Variants in STK3 observed in about 807,000 individuals in gnomAD.
The protein encoded by STK3 is serine/threonine-protein kinase 3.
In STK3, 41 loss-of-function variants were observed where a neutral mutation model predicts 58.0. The observed-to-expected ratio is 0.71, with a 90% CI of 0.55 to 0.92. The LOEUF (loss-of-function observed/expected upper bound fraction) is 0.92, where lower values mean the gene tolerates loss of function less well. Ranked by LOEUF, STK3 falls within the 40% of genes least tolerant of loss-of-function variation. STK3 has a pLI of 0.00. For missense variants in STK3, 479 were observed against 602.7 expected (o/e 0.79, Z 2.15); for synonymous variants, 170 against 191.0 (o/e 0.89, Z 0.91).
intron 3 of STK3, among the ~76,000 whole-genome samples, chr8:98,756,812 C>T (rs1830313429): frequency 6.6e-6 from 1 of 152,144 alleles, no homozygotes; most frequent in Admixed American, 6.5e-5. Context: ...ATCTAAAGCC[C>T]AAACCTCCAA....
At chr8:98,540,437 C>T (rs1383425270) in intron 9 of STK3, among the ~76,000 whole-genome samples, 1 of 152,184 alleles carries the variant, frequency 6.6e-6, no homozygotes, top group Non-Finnish European at 1.5e-5. Flanking sequence ...ATCAAGCCCA[C>T]TGCTCCAGCC....
At chr8:98,782,878 GAAGTAAGGAAAGAA>G (rs912073024) in intron 1 of STK3, among the ~76,000 whole-genome samples, 9 of 152,004 alleles carry the variant, frequency 5.9e-5, no homozygotes, top group Admixed American at 2.0e-4. Context: ...AATGGGATGG[GAAGTAAGGAAAGAA>G]AAGTAAGGAA....
At chr8:98,372,359 T>A (rs908978267) in intron 2 of STK3, among the ~76,000 whole-genome samples, 3 of 152,190 alleles carry the variant, frequency 2.0e-5, no homozygotes, top group Non-Finnish European at 4.4e-5. Context: ...CAGAGCCTTA[T>A]GCCTCAGCCA....
At chr8:98,565,594 A>C (rs957218067) in intron 8 of STK3, among the ~76,000 whole-genome samples, 2 of 152,194 alleles carry the variant, frequency 1.3e-5, no homozygotes, top group Non-Finnish European at 2.9e-5. Context: ...AGCATCATTT[A>C]TTCAATAATA....
At chr8:98,906,971 T>C (rs996168670) in intron 1 of STK3, among the ~76,000 whole-genome samples, 3 of 140,376 alleles carry the variant, frequency 2.1e-5, no homozygotes, top group Non-Finnish European at 4.5e-5. Context: ...AACATAGGGA[T>C]AACCCCATCT....
intron 1 of STK3, among the ~76,000 whole-genome samples, chr8:98,793,475 C>G (rs149849106): frequency 1.2e-4 from 19 of 152,216 alleles, no homozygotes; most frequent in South Asian, 4.2e-4. Flanking sequence ...GAGGTTGGAG[C>G]CGAAATTGTA....
At chr8:98,756,135 C>G (rs1403728881) in intron 3 of STK3, among the ~76,000 whole-genome samples, 1 of 150,288 alleles carries the variant, frequency 6.7e-6, no homozygotes, top group East Asian at 1.9e-4. Flanking sequence ...GAGTGAGGCT[C>G]CGCCTCAAAA....
chr8:98,729,940 T>A (rs1828055144), intron 4 of STK3, among the ~76,000 whole-genome samples: 1 of 152,230 alleles, frequency 6.6e-6, no homozygotes, highest in Non-Finnish European at 1.5e-5. Context: ...AACCTCCATA[T>A]GTTTCCATTT....
intron 8 of STK3, among the ~76,000 whole-genome samples, chr8:98,555,315 A>G (rs1811508500): frequency 6.6e-6 from 1 of 152,154 alleles, no homozygotes; most frequent in Non-Finnish European, 1.5e-5. Flanking sequence ...AGTATTTATC[A>G]CTTGTGAGAC....
chr8:98,617,646 A>G (rs1383159644), intron 6 of STK3, among the ~76,000 whole-genome samples: 4 of 152,066 alleles, frequency 2.6e-5, no homozygotes, highest in African/African-American at 9.7e-5. Flanking sequence ...CACCGATCCC[A>G]CAGAAATACA....
At chr8:98,701,100 T>C (rs1026254422) in intron 6 of STK3, among the ~76,000 whole-genome samples, 1 of 149,088 alleles carries the variant, frequency 6.7e-6, no homozygotes, top group East Asian at 2.0e-4. Context: ...GCCTGGGAGG[T>C]TGAGGGCTGC....
chr8:98,359,133 G>T, the STK3 span, among the ~76,000 whole-genome samples: 1 of 152,082 alleles, frequency 6.6e-6, no homozygotes, highest in Non-Finnish European at 1.5e-5. Context: ...CGCTATTCCT[G>T]CTGAATATTA....
chr8:98,896,330 G>A (rs528042054), intron 1 of STK3, among the ~76,000 whole-genome samples: 10 of 152,262 alleles, frequency 6.6e-5, no homozygotes, highest in African/African-American at 2.4e-4. Flanking sequence ...GCAAAAAACT[G>A]TTTCTTCAAA....
intron 10 of STK3, among the ~76,000 whole-genome samples, chr8:98,479,237 C>T (rs1821630445): frequency 6.6e-6 from 1 of 152,178 alleles, no homozygotes; most frequent in East Asian, 1.9e-4. Flanking sequence ...CCTGCAATCC[C>T]AGCACTTTGG....
chr8:98,788,967 C>G (rs1257736597), intron 1 of STK3, among the ~76,000 whole-genome samples: 1 of 152,160 alleles, frequency 6.6e-6, no homozygotes, highest in Non-Finnish European at 1.5e-5. Context: ...ACATTCTATT[C>G]AACAGCACAT....
At chr8:98,912,286 G>A (rs1839168032) in intron 1 of STK3, among the ~76,000 whole-genome samples, 1 of 152,104 alleles carries the variant, frequency 6.6e-6, no homozygotes, top group African/African-American at 2.4e-5. Context: ...GCTGAGGCAG[G>A]AGAATTGCTT....
chr8:98,426,860 G>A (rs562674428), intron 3 of STK3, among the ~76,000 whole-genome samples: 1 of 152,174 alleles, frequency 6.6e-6, no homozygotes, highest in South Asian at 2.1e-4. Context: ...AGGTGGTCGC[G>A]GTGACGCGCC....
chr8:98,796,219 T>C (rs1181265290), intron 1 of STK3, among the ~76,000 whole-genome samples: 3 of 152,082 alleles, frequency 2.0e-5, no homozygotes, highest in Non-Finnish European at 4.4e-5. Flanking sequence ...AAGTCAGAGA[T>C]ATCACATTAC....
intron 1 of STK3, among the ~76,000 whole-genome samples, chr8:98,928,639 A>G (rs16897132): frequency 0.15 from 23,591 of 152,228 alleles, 2,066 homozygotes; most frequent in African/African-American, 0.24. Flanking sequence ...TCTTAGAGCT[A>G]TATCTGGCAC....
Sources: allele counts gnomAD v4.1 joint callset (sites outside exome capture counted in the v4.1 genomes callset), GRCh38; gene constraint gnomAD v4.1.1; transcripts MANE v1.5; gene names NCBI Gene and HGNC (gene_info 2026-07-23, HGNC 2026-07-21).